Variants in THSD7A observed in about 807,000 individuals in gnomAD.
The protein encoded by THSD7A is thrombospondin type-1 domain-containing protein 7A.
A neutral mutation model predicts 231.3 loss-of-function variants in THSD7A; 96 were observed. The ratio of observed to expected loss-of-function variants is 0.41; its 90% CI spans 0.35 to 0.49. THSD7A has a LOEUF of 0.49. Ranked by LOEUF, THSD7A falls within the 20% of genes least tolerant of loss-of-function variation. The probability of loss-of-function intolerance (pLI) is 0.05; values close to 1 mark genes in which losing one functional copy is unlikely to be tolerated. For missense variants in THSD7A, 2,290 were observed against 2,070.2 expected (o/e 1.11, Z -2.06); for synonymous variants, 940 against 743.3 (o/e 1.26, Z -4.30).
In THSD7A at chr7:11,692,682, G is replaced by A. The variant is rs139077763; in HGVS notation, c.191-55721C>T. Among the ~76,000 whole-genome samples the A allele has an allele frequency of 2.0e-3, 299 of 151,572 alleles. 4 individuals are homozygous for A. Among genetic ancestry groups the A allele is most frequent in the Non-Finnish European group, 8.3e-4 (56 of 67,704 alleles). Reference sequence around the variant, plus strand: ...TTTGCAAATTAGTTTAAATATAATTGCTGTGAATTAGTTTAAAAGACAACA... The same window carrying A: ...TTTGCAAATTAGTTTAAATATAATTACTGTGAATTAGTTTAAAAGACAACA... On this transcript the variant is annotated intron_variant, in intron 1 of 27. Transcript: ENST00000423059.
intron 1 of THSD7A, among the ~76,000 whole-genome samples, chr7:11,651,701 G>C (rs1406358701): frequency 6.6e-6 from 1 of 151,904 alleles, no homozygotes; most frequent in Non-Finnish European, 1.5e-5. Context: ...ATTTGAGACA[G>C]TCAAGCAAAA....
At chr7:11,405,777 C>G (rs1399846033) in intron 22 of THSD7A, among the ~76,000 whole-genome samples, 1 of 152,122 alleles carries the variant, frequency 6.6e-6, no homozygotes, top group Non-Finnish European at 1.5e-5. Flanking sequence ...TGTAGATAAT[C>G]TGTTATTTTC....
At chr7:11,541,000 C>T (rs1456569824) in intron 6 of THSD7A, among the ~76,000 whole-genome samples, 1 of 152,110 alleles carries the variant, frequency 6.6e-6, no homozygotes, top group African/African-American at 2.4e-5. Flanking sequence ...AAGGAAAATA[C>T]TTTTAGAGTC....
intron 1 of THSD7A, among the ~76,000 whole-genome samples, chr7:11,816,666 A>C (rs554267551): frequency 6.6e-6 from 1 of 152,344 alleles, no homozygotes; most frequent in East Asian, 1.9e-4. Context: ...TGGGTTATTG[A>C]GGAACATAAG....
intron 1 of THSD7A, among the ~76,000 whole-genome samples, chr7:11,681,365 A>G (rs1783863079): frequency 6.6e-6 from 1 of 152,118 alleles, no homozygotes; most frequent in Non-Finnish European, 1.5e-5. Flanking sequence ...CTGCATATGT[A>G]TCCCAGAACT....
intron 1 of THSD7A, among the ~76,000 whole-genome samples, chr7:11,727,191 G>A (rs1354579592): frequency 6.6e-6 from 1 of 151,956 alleles, no homozygotes; most frequent in East Asian, 1.9e-4. Flanking sequence ...ATACATATTT[G>A]CAAATGTTGG....
At chr7:11,393,296 TAGAAGAAG>T (rs1783056360) in intron 23 of THSD7A, among the ~76,000 whole-genome samples, 1 of 151,852 alleles carries the variant, frequency 6.6e-6, no homozygotes, top group South Asian at 2.1e-4. Flanking sequence ...TCCTGACTGT[TAGAAGAAG>T]AAAGGAATAG....
At chr7:11,552,128 G>A (rs575136122) in intron 4 of THSD7A, among the ~76,000 whole-genome samples, 18 of 152,142 alleles carry the variant, frequency 1.2e-4, no homozygotes, top group African/African-American at 3.1e-4. Context: ...TGAACACAAA[G>A]TAGGGAAAAA....
intron 1 of THSD7A, among the ~76,000 whole-genome samples, chr7:11,756,165 C>T (rs114807535): frequency 7.2e-5 from 11 of 152,070 alleles, no homozygotes; most frequent in Non-Finnish European, 4.4e-5. Flanking sequence ...TCTGTCCCTT[C>T]CACATCTATT....
intron 1 of THSD7A, among the ~76,000 whole-genome samples, chr7:11,709,298 CTCT>C (rs1780873170): frequency 6.6e-6 from 1 of 150,734 alleles, no homozygotes; most frequent in Non-Finnish European, 1.5e-5. Context: ...GTGATTAATT[CTCT>C]TAAGCACATG....
intron 6 of THSD7A, among the ~76,000 whole-genome samples, chr7:11,495,975 A>T (rs1787081866): frequency 6.6e-6 from 1 of 152,164 alleles, no homozygotes; most frequent in African/African-American, 2.4e-5. Flanking sequence ...AAATGGGAGA[A>T]TCTTGTCAGC....
chr7:11,680,189 C>G (rs1455135814), intron 1 of THSD7A, among the ~76,000 whole-genome samples: 1 of 151,914 alleles, frequency 6.6e-6, no homozygotes, highest in Non-Finnish European at 1.5e-5. Context: ...ACACCTTATA[C>G]AAAAATTAAC....
At chr7:11,648,232 A>C (rs1245513532) in intron 1 of THSD7A, among the ~76,000 whole-genome samples, 1 of 152,074 alleles carries the variant, frequency 6.6e-6, no homozygotes, top group African/African-American at 2.4e-5. Context: ...TATCCTTTAG[A>C]GCCATAACAA....
At chr7:11,822,358 T>C (rs1271323599) in intron 1 of THSD7A, among the ~76,000 whole-genome samples, 1 of 152,140 alleles carries the variant, frequency 6.6e-6, no homozygotes, top group Admixed American at 6.5e-5. Flanking sequence ...TCTATCCACA[T>C]TGCTGCCAAA....
chr7:11,677,719 G>A lies in THSD7A; in HGVS notation c.191-40758C>T, dbSNP rs183869471. Among the ~76,000 whole-genome samples the A allele has an allele frequency of 1.3e-3, 201 of 151,120 alleles. 2 individuals are homozygous for A. The highest frequency in any genetic ancestry group is 0.012 in the Admixed American group (183 of 15,160). Reference sequence around the variant, plus strand: ...GGTAAAGGGATCAATGCAACAAGAAGGCTTAGGCTGCCACACAATAATAGT... The same window carrying A: ...GGTAAAGGGATCAATGCAACAAGAAAGCTTAGGCTGCCACACAATAATAGT... On this transcript the variant is annotated intron_variant, in intron 1 of 27. Coordinates refer to ENST00000423059, the MANE Select transcript of THSD7A (RefSeq NM_015204.3).
intron 1 of THSD7A, among the ~76,000 whole-genome samples, chr7:11,749,108 T>C (rs1285568526): frequency 2.0e-5 from 3 of 152,010 alleles, no homozygotes; most frequent in African/African-American, 7.2e-5. Context: ...GGTCCGGTCA[T>C]GAGGCACATA....
intron 1 of THSD7A, among the ~76,000 whole-genome samples, chr7:11,651,975 ATGAAG>A (rs1316593744): frequency 6.6e-6 from 1 of 152,000 alleles, no homozygotes; most frequent in Non-Finnish European, 1.5e-5. Context: ...GGAACATAAA[ATGAAG>A]TGAAGTTAAT....
chr7:11,752,351 G>C (rs1782531376), intron 1 of THSD7A, among the ~76,000 whole-genome samples: 1 of 151,848 alleles, frequency 6.6e-6, no homozygotes, highest in African/African-American at 2.4e-5. Context: ...ATATGTTCCT[G>C]TGCACCCCCA....
intron 27 of THSD7A, 21 bp from the exon 28 acceptor site, chr7:11,375,899 A>G: frequency 6.2e-7 from 1 of 1,608,128 alleles, no homozygotes; most frequent in Non-Finnish European, 8.5e-7. Context: ...ATTCGGAATT[A>G]GGAGAAAGAA....
Sources: allele counts gnomAD v4.1 joint callset (sites outside exome capture counted in the v4.1 genomes callset), GRCh38; gene constraint gnomAD v4.1.1; transcripts MANE v1.5; gene names NCBI Gene and HGNC (gene_info 2026-07-23, HGNC 2026-07-21).